Variants in ZNRF3 observed in about 807,000 individuals in gnomAD.
ZNRF3 encodes E3 ubiquitin-protein ligase ZNRF3.
ZNRF3 carries 23 observed loss-of-function variants against 72.5 expected under a neutral mutation model. The observed-to-expected ratio is 0.32, with a 90% CI of 0.23 to 0.45. ZNRF3 has a LOEUF of 0.45. Ranked by LOEUF, ZNRF3 falls within the 20% of genes least tolerant of loss-of-function variation. The pLI, the probability that ZNRF3 is intolerant of heterozygous loss-of-function variation, is 1.00. For missense variants in ZNRF3, 1,169 were observed against 1,272.1 expected (o/e 0.92, Z 1.23); for synonymous variants, 610 against 545.3 (o/e 1.12, Z -1.65).
At chr22:29,039,558 C>T (rs1406508959) in intron 2 of ZNRF3, among the ~76,000 whole-genome samples, 4 of 151,602 alleles carry the variant, frequency 2.6e-5, no homozygotes, top group Admixed American at 2.6e-4. Context: ...CCTAGGATAC[C>T]ACCTAAGCGG....
At chr22:28,889,039 C>T (rs895861740) in intron 1 of ZNRF3, among the ~76,000 whole-genome samples, 21 of 152,102 alleles carry the variant, frequency 1.4e-4, no homozygotes, top group Non-Finnish European at 2.4e-4. Flanking sequence ...TGCTTGAATC[C>T]GGGAGGCGGA....
At chr22:29,018,140 A>G in intron 2 of ZNRF3, 1 of 490,778 alleles carries the variant, frequency 2.0e-6, no homozygotes, top group Non-Finnish European at 4.1e-6. Context: ...TGAACATTAT[A>G]AGGAATTGAG....
intron 1 of ZNRF3, among the ~76,000 whole-genome samples, chr22:28,919,655 T>C (rs559271910): frequency 3.3e-5 from 5 of 149,648 alleles, no homozygotes; most frequent in African/African-American, 1.2e-4. Context: ...TACAGGCGCG[T>C]GCCACCATGC....
Position 29,004,763 on chromosome 22 carries a change from G to A in ZNRF3, c.426+17562G>A, listed in dbSNP as rs557461401. 3.2e-4 allele frequency among the ~76,000 whole-genome samples: 49 copies of A among 152,332 alleles called. No individual in the cohort carries two copies. The South Asian group carries it at 9.9e-3, about 31-fold the overall frequency. The stretch of plus-strand genomic sequence containing the variant: ...GAGGAGGGCGGGTGGCGGCTGCAGT[G>A]GCGGCTCCTTTGATCACCTCCCGCC... On this transcript the variant is annotated intron_variant, in intron 2 of 8. Transcript: ENST00000544604.
chr22:28,994,172 C>CTTTTTTTTTTTTTT (rs1569274128), intron 2 of ZNRF3, among the ~76,000 whole-genome samples: 1 of 78,762 alleles, frequency 1.3e-5, no homozygotes, highest in African/African-American at 5.4e-5. Flanking sequence ...CCTTCAGTTC[C>CTTTTTTTTTTTTTT]TTTCTTTTTT....
rs1445683656 is a variant in ZNRF3, at chr22:28,884,096, GCCTCCGCCA to G, written c.300+32_300+40del. 3 of 1,172,892 alleles carry G rather than the reference GCCTCCGCCA, an allele frequency of 2.6e-6. No homozygotes were observed. The Admixed American group carries it at 1.2e-4, about 46-fold the overall frequency. 72.7% of individuals were successfully genotyped at this position (1,172,892 alleles called of 1,614,324 possible). On this transcript the variant is annotated intron_variant, in intron 1 of 8. Coordinates refer to ENST00000544604, the MANE Select transcript of ZNRF3 (RefSeq NM_001206998.2). ...CTGCCCGCCGCCCGGGCCCCGCGCC[GCCTCCGCCA>G]CAAGATGGCTCCGGGGGCTGCGCCC...
At chr22:28,928,486 A>G (rs1411699608) in intron 1 of ZNRF3, among the ~76,000 whole-genome samples, 3 of 142,856 alleles carry the variant, frequency 2.1e-5, no homozygotes, top group Non-Finnish European at 4.5e-5. Flanking sequence ...TGTTCCAGAA[A>G]TGTCTTTTTT....
intron 1 of ZNRF3, among the ~76,000 whole-genome samples, chr22:28,977,328 A>G (rs1462939781): frequency 6.6e-6 from 1 of 152,212 alleles, no homozygotes; most frequent in Admixed American, 6.5e-5. Flanking sequence ...AACAGGGAGA[A>G]TAATTATTCA....
intron 1 of ZNRF3, among the ~76,000 whole-genome samples, chr22:28,948,869 T>C (rs1173837530): frequency 3.3e-5 from 5 of 152,256 alleles, no homozygotes; most frequent in Admixed American, 3.3e-4. Context: ...AATGATTTTG[T>C]ATTATCATCT....
intron 1 of ZNRF3, among the ~76,000 whole-genome samples, chr22:28,975,374 C>T (rs1330311119): frequency 2.6e-5 from 4 of 151,826 alleles, no homozygotes; most frequent in Admixed American, 1.3e-4. Flanking sequence ...TGGTGGCGGA[C>T]GCCTGTAGTC....
chr22:29,043,383 A>G lies in ZNRF3; in HGVS notation c.586A>G (p.Asn196Asp). 6.2e-7 allele frequency: 1 copy of G among 1,613,992 alleles called. No individual in the cohort carries two copies. Among genetic ancestry groups the G allele is most frequent in the Non-Finnish European group, 8.5e-7 (1 of 1,180,010 alleles). The change falls in exon 4 of 9, where the codon AAC becomes GAC. Residue 196 changes from asparagine (N) to aspartate (D), a missense_variant. Around this residue, in one of 2 missense-constraint regions of ZNRF3, gnomAD observed 386 missense variants for 540.7 expected, o/e 0.71. Coordinates refer to ENST00000544604, the MANE Select transcript of ZNRF3 (RefSeq NM_001206998.2). ...TGCCATTAAGCTGATGAACATCGTC[A>G]ACAAGCAGAAAGTGGCTCGAGCAAG... The part of the protein sequence containing the change: ...ADAIKLMNIV[N>D]KQKVARARIQ...
chr22:28,917,550 T>A (rs1463018140), intron 1 of ZNRF3: 1 of 693,642 alleles, frequency 1.4e-6, no homozygotes, highest in East Asian at 1.3e-4. Flanking sequence ...ATTTGAAGAG[T>A]ATATAAAAGC....
At chr22:28,964,290 G>A (rs1422837267) in intron 1 of ZNRF3, among the ~76,000 whole-genome samples, 1 of 152,190 alleles carries the variant, frequency 6.6e-6, no homozygotes, top group Non-Finnish European at 1.5e-5. Context: ...AGTATATTCA[G>A]TGTGGGTCTC....
intron 1 of ZNRF3, among the ~76,000 whole-genome samples, chr22:28,955,032 G>GTTTTTTTTTTTTTTTT: frequency 7.3e-6 from 1 of 137,170 alleles, no homozygotes; most frequent in Non-Finnish European, 1.5e-5. Flanking sequence ...TATTTTTGGT[G>GTTTTTTTTTTTTTTTT]TTTTTTTTTT....
At chr22:29,015,805 G>A (rs2036420412) in intron 2 of ZNRF3, among the ~76,000 whole-genome samples, 1 of 151,934 alleles carries the variant, frequency 6.6e-6, no homozygotes, top group South Asian at 2.1e-4. Flanking sequence ...ATCACCTGAG[G>A]TCTGGAGTTC....
In ZNRF3 at chr22:29,050,093, A is replaced by T. The variant is rs753565964; in HGVS notation, c.1912A>T (p.Ser638Cys). 9.9e-6 allele frequency: 16 copies of T among 1,608,322 alleles called. No individual in the cohort carries two copies. The African/African-American group carries it at 2.1e-4, about 21-fold the overall frequency. Residue 638 changes from serine to cysteine, a missense_variant, in exon 8 of 9, where the codon AGT (serine) becomes TGT (cysteine). Physicochemically the swap from Ser to Cys is moderately radical, Grantham distance 112. Coordinates refer to ENST00000544604, the MANE Select transcript of ZNRF3 (RefSeq NM_001206998.2). ...TCCCGAGGAGCTCCCGGCGGTGCAC[A>T]GTCATGGTGCTGGGCGGGGCGAGCC... ...PPPEELPAVH[S>C]HGAGRGEPWP... is the part of the protein sequence containing the mutation.
chr22:28,896,237 C>T (rs2033994350), intron 1 of ZNRF3, among the ~76,000 whole-genome samples: 2 of 152,218 alleles, frequency 1.3e-5, no homozygotes, highest in South Asian at 4.1e-4. Flanking sequence ...CGGGTTCAAG[C>T]GATTCTCCTG....
chr22:29,049,305 C>G lies in ZNRF3; in HGVS notation c.1124C>G (p.Thr375Ser). ...CATTACCCCGGCCGCGTGCACAGGA[C>G]CAACGCCATCCCAGCCTACCCTACG... ...PVHYPGRVHRTNAIPAYPTRT... is the reference protein window; with the variant it reads ...PVHYPGRVHRSNAIPAYPTRT... The change falls in exon 8 of 9, where the codon ACC (threonine) becomes AGC (serine). Residue 375 changes from threonine to serine, a missense_variant. By Grantham distance (58) the Thr-to-Ser change is moderately conservative. Coordinates refer to ENST00000544604, the MANE Select transcript of ZNRF3 (RefSeq NM_001206998.2). The surrounding 1 kb of genome is among the most constrained non-coding windows in gnomAD (Gnocchi z 5.2). The G allele has an allele frequency of 1.2e-6, 2 of 1,613,992 alleles. No individual in the cohort carries two copies. Among genetic ancestry groups the G allele is most frequent in the Non-Finnish European group, 1.7e-6 (2 of 1,180,016 alleles).
chr22:29,039,303 C>T (rs1038058138), intron 2 of ZNRF3, among the ~76,000 whole-genome samples: 1 of 152,156 alleles, frequency 6.6e-6, no homozygotes, highest in African/African-American at 2.4e-5. Context: ...CATTCCCTAC[C>T]CCAGATCCTG....
Sources: allele counts gnomAD v4.1 joint callset (sites outside exome capture counted in the v4.1 genomes callset), GRCh38; gene constraint gnomAD v4.1.1; regional missense constraint gnomAD v4.1.1; non-coding constraint Gnocchi (gnomAD v3.1); transcripts MANE v1.5; gene names NCBI Gene and HGNC (gene_info 2026-07-23, HGNC 2026-07-21).